The following UPK1B variants were observed in gnomAD, a reference collection of about 807,000 sequenced individuals.
The protein encoded by UPK1B is uroplakin-1b.
UPK1B carries 28 observed loss-of-function variants against 34.2 expected under a neutral mutation model. That is an observed-to-expected ratio of 0.82 (90% CI 0.61 to 1.12). The LOEUF is 1.12. Ranked by LOEUF, UPK1B falls within the 50% of genes most tolerant of loss-of-function variation. The pLI, the probability that UPK1B is intolerant of heterozygous loss-of-function variation, is 0.00. For missense variants in UPK1B, 325 were observed against 320.9 expected (o/e 1.01, Z -0.10); for synonymous variants, 81 against 110.4 (o/e 0.73, Z 1.67).
chr3:119,192,676 G>A (rs2078049587), intron 5 of UPK1B, among the ~76,000 whole-genome samples: 1 of 152,082 alleles, frequency 6.6e-6, no homozygotes. Flanking sequence ...ATATACACCT[G>A]TGCACTTTGC....
In UPK1B at chr3:119,190,236, C is replaced by A. The variant is rs776959804; in HGVS notation, c.271-9C>A. The stretch of plus-strand genomic sequence containing the variant: ...TGTAATTCTTTTATCTCATTTATTT[C>A]CCTTCCAGTATTTCATTCTGATGTT... On this transcript the variant is annotated splice_polypyrimidine_tract_variant and intron_variant, in intron 3 of 7. Transcript: ENST00000264234. 4 of 1,581,478 alleles carry A rather than the reference C, an allele frequency of 2.5e-6. No homozygotes were observed. The highest frequency in any genetic ancestry group is 3.5e-6 in the Non-Finnish European group (4 of 1,159,234).
chr3:119,197,201 C>T (rs1047692137), intron 6 of UPK1B, among the ~76,000 whole-genome samples: 2 of 151,990 alleles, frequency 1.3e-5, no homozygotes, highest in African/African-American at 2.4e-5. Context: ...ATGTCAGATG[C>T]AAATATATAT....
At chr3:119,179,004 C>T (rs2041595327) in intron 1 of UPK1B, among the ~76,000 whole-genome samples, 1 of 152,032 alleles carries the variant, frequency 6.6e-6, no homozygotes. Context: ...TGGTGTGTTA[C>T]TCAAGGTTCT....
chr3:119,203,865 A>G (rs2078106536), intron 7 of UPK1B, 52 bp from the exon 8 acceptor site: 3 of 1,569,816 alleles, frequency 1.9e-6, no homozygotes, highest in Non-Finnish European at 2.6e-6. Flanking sequence ...CAAGAATGAG[A>G]TGTTTCTAAA....
At position 119,199,409 on chromosome 3, in the gene UPK1B, C is replaced by T. The variant is rs145980836; in HGVS notation, c.732+269C>T. Among the ~76,000 whole-genome samples, 803 of 152,266 alleles carry T rather than the reference C, an allele frequency of 5.3e-3. 2 individuals are homozygous for T. Among genetic ancestry groups the T allele is most frequent in the African/African-American group, 0.018 (741 of 41,554 alleles). The stretch of plus-strand genomic sequence containing the variant: ...CAGCTGCCTTTAGAGGGCTGGAGAG[C>T]CTCTTTCCCTTGCCAGAGTTCTTAG... On this transcript the variant is annotated intron_variant, in intron 7 of 7. Transcript: ENST00000264234.
Position 119,187,832 on chromosome 3 carries a change from C to A in UPK1B, c.127C>A (p.Leu43Ile), listed in dbSNP as rs201007372. Residue 43 changes from leucine to isoleucine, a missense_variant, in exon 3 of 8, where the codon CTC becomes ATC. Coordinates refer to ENST00000264234, the MANE Select transcript of UPK1B (RefSeq NM_006952.4). ...CTTCTTTGTATCTGACCAACACAGC[C>A]TCTACCCACTGCTTGAAGCCACCGA... is the stretch of plus-strand genomic sequence containing the variant. ...CIFFVSDQHS[L>I]YPLLEATDND... 3 of 1,614,068 alleles carry A rather than the reference C, an allele frequency of 1.9e-6. No homozygotes were observed. In the African/African-American group the frequency reaches 4.0e-5, roughly 22 times the overall value.
intron 5 of UPK1B, among the ~76,000 whole-genome samples, chr3:119,192,274 G>A (rs2078048107): frequency 6.7e-6 from 1 of 149,700 alleles, no homozygotes; most frequent in African/African-American, 2.5e-5. Flanking sequence ...TTTCCTCTTT[G>A]CCTAACCCAT....
rs1559900078 is a variant in UPK1B, at chr3:119,179,399, T to TATATATATATATA, written c.-29+5762_-29+5763insTATATATATATAA. On this transcript the variant is annotated intron_variant, in intron 1 of 7. Transcript: ENST00000264234. Reference sequence around the variant, plus strand: ...TATATATATATATATATATATATATTAATTCTAAGGAATTAACCTATGTGA... The same window carrying TATATATATATATA: ...TATATATATATATATATATATATATTATATATATATATAAATTCTAAGGAATTAACCTATGTGA... Among the ~76,000 whole-genome samples the TATATATATATATA allele has an allele frequency of 4.8e-3, 260 of 54,258 alleles. 48 individuals are homozygous for TATATATATATATA. The highest frequency in any genetic ancestry group is 0.011 in the Middle Eastern group (1 of 92). The allele number at this position is 54,258 out of a possible 152,430, so 35.6% of individuals were successfully genotyped here. A position where few individuals can be genotyped will look rare whatever the true frequency, so the allele number is the denominator to read the frequency against.
chr3:119,177,181 C>T (rs138006955), intron 1 of UPK1B, among the ~76,000 whole-genome samples: 4 of 152,232 alleles, frequency 2.6e-5, no homozygotes, highest in African/African-American at 4.8e-5. Flanking sequence ...GGTGAGGAAG[C>T]CTTTGAATGA....
In UPK1B at chr3:119,203,993, C is replaced by T. The variant is rs867885959; in HGVS notation, c.*26C>T. The T allele has an allele frequency of 6.8e-6, 11 of 1,612,476 alleles. 1 individual carries two copies. The Middle Eastern group carries it at 1.8e-3, about 266-fold the overall frequency. On this transcript the variant is annotated 3_prime_UTR_variant, in exon 8 of 8. Coordinates refer to ENST00000264234, the MANE Select transcript of UPK1B (RefSeq NM_006952.4). ...GCATAAAGTGTTGCCACCATACCTC[C>T]TTCCCCGAGTGACTCTGGATTTGGT... is the stretch of plus-strand genomic sequence containing the variant.
intron 7 of UPK1B, among the ~76,000 whole-genome samples, chr3:119,202,760 C>A (rs1467840273): frequency 6.6e-6 from 1 of 152,092 alleles, no homozygotes; most frequent in Non-Finnish European, 1.5e-5. Flanking sequence ...AATAGAAGTT[C>A]CCTGGGAGAA....
At chr3:119,189,393 C>T (rs534017022) in intron 3 of UPK1B, among the ~76,000 whole-genome samples, 1 of 152,332 alleles carries the variant, frequency 6.6e-6, no homozygotes, top group East Asian at 1.9e-4. Context: ...ACCACAGTGC[C>T]CCTTCTCCCA....
chr3:119,190,198 T>C (rs1576869598), intron 3 of UPK1B, 47 bp from the exon 4 acceptor site: 1 of 1,447,622 alleles, frequency 6.9e-7, no homozygotes, highest in Non-Finnish European at 9.5e-7. Flanking sequence ...CAAGTCGCTC[T>C]TTGACGGGTA....
At chr3:119,186,624 G>C in intron 1 of UPK1B, 90 bp from the exon 2 acceptor site, 2 of 928,756 alleles carry the variant, frequency 2.2e-6, no homozygotes, top group South Asian at 3.2e-5. Context: ...CTTTGGTTTG[G>C]ATGCTTTGGG....
chr3:119,194,002 A>G (rs1158401359), intron 5 of UPK1B, among the ~76,000 whole-genome samples: 1 of 152,254 alleles, frequency 6.6e-6, no homozygotes, highest in Non-Finnish European at 1.5e-5. Context: ...GGGTTCACTA[A>G]TGACTAGTAA....
intron 3 of UPK1B, among the ~76,000 whole-genome samples, chr3:119,188,384 A>C (rs1331525837): frequency 1.3e-5 from 2 of 152,258 alleles, no homozygotes; most frequent in Non-Finnish European, 2.9e-5. Flanking sequence ...ATTAGGCATT[A>C]ATATATTAGG....
At chr3:119,203,417 T>C (rs1001104633) in intron 7 of UPK1B, among the ~76,000 whole-genome samples, 130 of 132,996 alleles carry the variant, frequency 9.8e-4, no homozygotes, top group East Asian at 1.8e-3. Flanking sequence ...CCATCAGCAA[T>C]AGACTGGATA....
At chr3:119,186,881 G>A (rs2078021593) in intron 2 of UPK1B, 71 bp downstream of exon 2, 5 of 1,514,696 alleles carry the variant, frequency 3.3e-6, no homozygotes, top group African/African-American at 1.4e-5. Flanking sequence ...TCAAAAGTAA[G>A]AGTTTAAAGG....
chr3:119,189,222 C>G (rs914360853), intron 3 of UPK1B, among the ~76,000 whole-genome samples: 1 of 152,156 alleles, frequency 6.6e-6, no homozygotes, highest in South Asian at 2.1e-4. Flanking sequence ...GCAGCTAACA[C>G]AGGAAAAAAA....
Sources: gnomAD v4.1 joint callset for allele counts (sites outside exome capture counted in the v4.1 genomes callset) on GRCh38, gnomAD v4.1.1 for gene constraint, MANE v1.5 for transcripts, NCBI Gene and HGNC (gene_info 2026-07-23, HGNC 2026-07-21) for gene names.